Variants in IFIT1 observed in about 807,000 individuals in gnomAD.
IFIT1 encodes the protein interferon induced protein with tetratricopeptide repeats 1, also known as antiviral innate immune response effector IFIT1.
IFIT1 carries 1 observed loss-of-function variant against 2.5 expected under a neutral mutation model. The ratio of observed to expected loss-of-function variants is 0.40; its 90% CI spans 0.14 to 1.92. IFIT1 has a LOEUF of 1.92. IFIT1 is among the 40% of genes most tolerant of loss of function. IFIT1 has a pLI of 0.31. For missense variants in IFIT1, 508 were observed against 557.8 expected (o/e 0.91, Z 0.90); for synonymous variants, 191 against 201.7 (o/e 0.95, Z 0.45).
At chr10:89,394,705 T>C (rs940199092) in intron 1 of IFIT1, among the ~76,000 whole-genome samples, 4 of 151,122 alleles carry the variant, frequency 2.6e-5, no homozygotes, top group Non-Finnish European at 5.9e-5. Flanking sequence ...TTTATCATTT[T>C]AATTACTTTA....
At chr10:89,396,132 G>A (rs1844339277) in intron 1 of IFIT1, among the ~76,000 whole-genome samples, 2 of 152,160 alleles carry the variant, frequency 1.3e-5, no homozygotes, top group African/African-American at 4.8e-5. Flanking sequence ...ACCCAGGAAT[G>A]TGTCATATGG....
chr10:89,395,386 A>G (rs1445743621), intron 1 of IFIT1, among the ~76,000 whole-genome samples: 1 of 152,128 alleles, frequency 6.6e-6, no homozygotes, highest in Non-Finnish European at 1.5e-5. Context: ...CATGTCCTCA[A>G]TGGCTCCCCC....
chr10:89,393,120 G>C, intron 1 of IFIT1: 1 of 1,294,276 alleles, frequency 7.7e-7, no homozygotes, highest in South Asian at 1.2e-5. Context: ...CTTTACCACA[G>C]AGAAAAAGCA....
In IFIT1 at chr10:89,398,737, A is replaced by C. The variant is rs551335882; in HGVS notation, c.6-3544A>C. ...TTTCTTTTTTAAGGCTGAATATTCC[A>C]TTGTATGTATATACCACATTTTGTT... On this transcript the variant is annotated intron_variant, in intron 1 of 1. Transcript: ENST00000371804. Among the ~76,000 whole-genome samples the C allele has an allele frequency of 1.5e-4, 23 of 152,328 alleles. No homozygotes were observed. The East Asian group carries it at 4.2e-3, about 28-fold the overall frequency.
chr10:89,405,582 A>T lies in IFIT1; in HGVS notation c.*1870A>T, dbSNP rs929021886. The T allele has an allele frequency of 2.6e-5, 4 of 152,130 alleles. No homozygotes were observed. The highest frequency in any genetic ancestry group is 9.7e-5 in the African/African-American group (4 of 41,412). The allele number at this position is 152,130 out of a possible 1,614,324, so 9.4% of individuals were successfully genotyped here. Reference sequence around the variant, plus strand: ...ATGAGCCAAAGTCAAGGTATTGATGACGCTACACTCCTCCGGAGGCTCTAG... The same window carrying T: ...ATGAGCCAAAGTCAAGGTATTGATGTCGCTACACTCCTCCGGAGGCTCTAG... On this transcript the variant is annotated 3_prime_UTR_variant, in exon 2 of 2. Coordinates refer to ENST00000371804, the MANE Select transcript of IFIT1 (RefSeq NM_001548.5).
intron 1 of IFIT1, among the ~76,000 whole-genome samples, chr10:89,399,295 G>A (rs1356988362): frequency 1.3e-5 from 2 of 152,006 alleles, no homozygotes; most frequent in Non-Finnish European, 2.9e-5. Context: ...TACAAGATTT[G>A]CAAATATTTT....
intron 1 of IFIT1, among the ~76,000 whole-genome samples, chr10:89,396,855 T>G (rs1332162778): frequency 1.3e-5 from 2 of 152,256 alleles, no homozygotes; most frequent in African/African-American, 2.4e-5. Flanking sequence ...TTCATGTGTT[T>G]GCTAGTCCTT....
chr10:89,399,920 A>T (rs866147834), intron 1 of IFIT1, among the ~76,000 whole-genome samples: 3 of 152,334 alleles, frequency 2.0e-5, no homozygotes, highest in Middle Eastern at 6.8e-3. Context: ...AGCAAGAAGG[A>T]GCCATCTGCA....
At chr10:89,402,248 C>G in intron 1 of IFIT1, 33 bp from the exon 2 acceptor site, 1 of 1,434,874 alleles carries the variant, frequency 7.0e-7, no homozygotes, top group Admixed American at 2.0e-5. Flanking sequence ...CTGTTCCTCA[C>G]CTAACAAAGA....
At chr10:89,398,093 G>A (rs1319963038) in intron 1 of IFIT1, among the ~76,000 whole-genome samples, 2 of 152,166 alleles carry the variant, frequency 1.3e-5, no homozygotes, top group African/African-American at 4.8e-5. Context: ...CCCCCAGTGT[G>A]GAGGATCAGT....
chr10:89,403,524 A>G lies in IFIT1; in HGVS notation c.1249A>G (p.Lys417Glu). 1 of 1,613,898 alleles carries G rather than the reference A, an allele frequency of 6.2e-7. No homozygotes were observed. Among genetic ancestry groups the G allele is most frequent in the East Asian group, 2.2e-5 (1 of 44,882 alleles). The stretch of plus-strand genomic sequence containing the variant: ...AGAACAGGCATCATTAACAAGGGAT[A>G]AAAGTATCAATTCTTTGAAGAAATT... ...KIEQASLTRD[K>E]SINSLKKLVL... The change falls in exon 2 of 2, where the codon AAA (lysine) becomes GAA (glutamate). Residue 417 changes from lysine (K) to glutamate (E), a missense_variant. Transcript: ENST00000371804.
At chr10:89,397,804 A>G (rs1844366789) in intron 1 of IFIT1, among the ~76,000 whole-genome samples, 1 of 152,146 alleles carries the variant, frequency 6.6e-6, no homozygotes, top group Admixed American at 6.5e-5. Context: ...TACAGATGAG[A>G]GTCTTCTCTG....
chr10:89,401,683 G>T (rs1276805142), intron 1 of IFIT1, among the ~76,000 whole-genome samples: 1 of 151,770 alleles, frequency 6.6e-6, no homozygotes, highest in African/African-American at 2.4e-5. Flanking sequence ...TATTATAGTT[G>T]TGTAAGATAT....
Position 89,393,154 on chromosome 10 carries a change from TCA to T in IFIT1, c.5+438_5+439del, listed in dbSNP as rs777003892. On this transcript the variant is annotated intron_variant, in intron 1 of 1. Coordinates refer to ENST00000371804, the MANE Select transcript of IFIT1 (RefSeq NM_001548.5). ...CAGGACCCACAAGAATGTGAAAGCC[TCA>T]GTCTTGCAGCCTCTCTGATGTCTTG... 1.1e-5 allele frequency: 14 copies of T among 1,291,358 alleles called. No homozygotes were observed. In the South Asian group the frequency reaches 1.4e-4, roughly 13 times the overall value. 80.0% of individuals were successfully genotyped at this position (1,291,358 alleles called of 1,614,324 possible). A position where few individuals can be genotyped will look rare whatever the true frequency, so the allele number is the denominator to read the frequency against.
intron 1 of IFIT1, among the ~76,000 whole-genome samples, chr10:89,394,683 T>G (rs1048971416): frequency 2.0e-5 from 3 of 149,134 alleles, no homozygotes; most frequent in Non-Finnish European, 4.4e-5. Context: ...ATAAAATACA[T>G]GTAAAATAAA....
At chr10:89,394,597 TATA>T (rs1366948326) in intron 1 of IFIT1, among the ~76,000 whole-genome samples, 2 of 19,076 alleles carry the variant, frequency 1.0e-4, no homozygotes, top group African/African-American at 6.2e-4. Context: ...TATATATATA[TATA>T]TATATATATA....
intron 1 of IFIT1, among the ~76,000 whole-genome samples, 153 bp downstream of exon 1, chr10:89,392,870 T>G (rs1485775026): frequency 6.6e-6 from 1 of 152,260 alleles, no homozygotes; most frequent in African/African-American, 2.4e-5. Flanking sequence ...TGCATGCATG[T>G]GTGTGCACGT....
At chr10:89,399,689 T>C (rs562947533) in intron 1 of IFIT1, among the ~76,000 whole-genome samples, 2 of 152,330 alleles carry the variant, frequency 1.3e-5, no homozygotes, top group African/African-American at 4.8e-5. Context: ...TGTTATGGAA[T>C]GAATTGTGCA....
intron 1 of IFIT1, among the ~76,000 whole-genome samples, chr10:89,396,087 G>A (rs1384370474): frequency 1.3e-5 from 2 of 152,124 alleles, no homozygotes; most frequent in Non-Finnish European, 1.5e-5. Flanking sequence ...AGTATCTTAA[G>A]TATATATCCA....
Sources: gnomAD v4.1 joint callset for allele counts (sites outside exome capture counted in the v4.1 genomes callset) on GRCh38, gnomAD v4.1.1 for gene constraint, MANE v1.5 for transcripts, NCBI Gene and HGNC (gene_info 2026-07-23, HGNC 2026-07-21) for gene names.